EEFSEC: variants seen among roughly 807,000 people sequenced by gnomAD.
EEFSEC encodes eukaryotic elongation factor, selenocysteine-tRNA specific, also known as selenocysteine-specific elongation factor.
A neutral mutation model predicts 42.1 loss-of-function variants in EEFSEC; 43 were observed. The ratio of observed to expected loss-of-function variants is 1.02; its 90% CI spans 0.80 to 1.32. The LOEUF (loss-of-function observed/expected upper bound fraction) is 1.32, where lower values mean the gene tolerates loss of function less well. Among genes scored for constraint, EEFSEC ranks in the 40% most tolerant of loss-of-function variants. The pLI is 0.00. For synonymous variants in EEFSEC, 354 were observed against 339.1 expected (o/e 1.04, Z -0.48); for missense variants, 745 against 803.6 (o/e 0.93, Z 0.88).
At position 128,358,299 on chromosome 3, in the gene EEFSEC, A is replaced by T; in HGVS notation, c.1526A>T (p.His509Leu). 1 of 1,614,246 alleles carries T rather than the reference A, an allele frequency of 6.2e-7. No individual in the cohort carries two copies. Among genetic ancestry groups the T allele is most frequent in the Non-Finnish European group, 8.5e-7 (1 of 1,180,044 alleles). The change falls in exon 6 of 7, where the codon CAC becomes CTC. Residue 509 changes from histidine to leucine, a missense_variant. Physicochemically the swap from His to Leu is moderately conservative, Grantham distance 99. Transcript: ENST00000254730. The part of the protein sequence containing the change: ...NIQLFVGLKV[H>L]LSTGELGIID... ...CAGCTCTTCGTGGGGCTCAAGGTGC[A>T]CTTGTCCACTGGGGAACTGGGCATC...
chr3:128,350,834 T>A (rs879782240), intron 5 of EEFSEC, among the ~76,000 whole-genome samples: 2 of 152,162 alleles, frequency 1.3e-5, no homozygotes, highest in Non-Finnish European at 2.9e-5. Context: ...CCTGGGCTAC[T>A]TCAGGGCCTC....
chr3:128,346,595 C>G (rs1325754847), intron 5 of EEFSEC, among the ~76,000 whole-genome samples: 1 of 152,152 alleles, frequency 6.6e-6, no homozygotes, highest in African/African-American at 2.4e-5. Context: ...TTGAAGTCCA[C>G]TTTTCTTGTT....
chr3:128,305,553 T>C (rs1167541632), intron 4 of EEFSEC, among the ~76,000 whole-genome samples: 1 of 152,220 alleles, frequency 6.6e-6, no homozygotes, highest in Non-Finnish European at 1.5e-5. Context: ...TATTAGTCTT[T>C]TGTTTCAGTC....
chr3:128,310,961 G>A (rs1003385729), intron 4 of EEFSEC, among the ~76,000 whole-genome samples: 4 of 152,220 alleles, frequency 2.6e-5, no homozygotes, highest in Non-Finnish European at 5.9e-5. Context: ...AACATTCTGT[G>A]TGGGGAAAGG....
Position 128,191,576 on chromosome 3 carries a change from A to G in EEFSEC, c.316+37753A>G, listed in dbSNP as rs536158702. Among the ~76,000 whole-genome samples the G allele has an allele frequency of 2.6e-5, 4 of 152,194 alleles. No homozygotes were observed. The East Asian group carries it at 7.7e-4, about 29-fold the overall frequency. ...TCACCACTATTATTTCTAACTTTCC[A>G]TCACCCCAAACTGAAACTCTGTACC... On this transcript the variant is annotated intron_variant, in intron 1 of 6. Transcript: ENST00000254730.
chr3:128,322,452 G>A (rs974082908), intron 4 of EEFSEC, among the ~76,000 whole-genome samples: 11 of 152,250 alleles, frequency 7.2e-5, no homozygotes, highest in Non-Finnish European at 1.3e-4. Context: ...TCCAGGGAAA[G>A]TGTTGCTCCC....
intron 1 of EEFSEC, among the ~76,000 whole-genome samples, chr3:128,168,515 C>G (rs905200487): frequency 1.3e-5 from 2 of 152,230 alleles, no homozygotes; most frequent in South Asian, 4.1e-4. Flanking sequence ...TAGAGATTTG[C>G]TCTGCTGCTG....
In EEFSEC at chr3:128,313,647, A is replaced by G. The variant is rs560085987; in HGVS notation, c.787-27586A>G. On this transcript the variant is annotated intron_variant, in intron 4 of 6. Coordinates refer to ENST00000254730, the MANE Select transcript of EEFSEC (RefSeq NM_021937.5). ...GGCAAGTCAGGCTCTTGGCATCTCC[A>G]TTTTTAACAGGGCACTTGTAACCAG... Among the ~76,000 whole-genome samples the G allele has an allele frequency of 2.0e-5, 3 of 152,330 alleles. No individual in the cohort carries two copies. In the South Asian group the frequency reaches 6.2e-4, roughly 32 times the overall value.
intron 1 of EEFSEC, among the ~76,000 whole-genome samples, chr3:128,172,299 G>A (rs940619972): frequency 1.3e-5 from 2 of 152,186 alleles, no homozygotes; most frequent in African/African-American, 4.8e-5. Flanking sequence ...TGGTCAGGCC[G>A]AAGGAACCCA....
intron 1 of EEFSEC, among the ~76,000 whole-genome samples, chr3:128,190,072 A>G (rs528178514): frequency 1.3e-5 from 2 of 152,176 alleles, no homozygotes; most frequent in Non-Finnish European, 2.9e-5. Context: ...CATGTCCCCC[A>G]GGCTGGTCTC....
At chr3:128,295,983 G>A (rs2066701787) in intron 4 of EEFSEC, among the ~76,000 whole-genome samples, 1 of 152,118 alleles carries the variant, frequency 6.6e-6, no homozygotes, top group African/African-American at 2.4e-5. Flanking sequence ...TGACCTATAG[G>A]GCAGCTTTAA....
chr3:128,241,129 C>T (rs1256999012), intron 1 of EEFSEC, among the ~76,000 whole-genome samples: 2 of 151,600 alleles, frequency 1.3e-5, no homozygotes, highest in African/African-American at 4.8e-5. Flanking sequence ...AGTTCAAATC[C>T]CTCTGAATCC....
At chr3:128,171,867 A>G (rs551411898) in intron 1 of EEFSEC, among the ~76,000 whole-genome samples, 5 of 152,316 alleles carry the variant, frequency 3.3e-5, no homozygotes, top group African/African-American at 7.2e-5. Context: ...AAAAATAACA[A>G]TTCAACAACA....
chr3:128,264,928 C>T, intron 4 of EEFSEC, 147 bp downstream of exon 4: 1 of 919,444 alleles, frequency 1.1e-6, no homozygotes, highest in Middle Eastern at 3.2e-4. Flanking sequence ...CCTCTGGCTG[C>T]CTGGCCCCGC....
Position 128,341,425 on chromosome 3 carries a change from G to C in EEFSEC, c.979G>C (p.Gly327Arg). The part of the protein sequence containing the change: ...ISVEKIPYFR[G>R]PLQTKAKFHI... ...TGTGGAAAAGATACCGTATTTCCGG[G>C]GGCCCCTGCAAACCAAGGCCAAGTT... Residue 327 changes from glycine to arginine, a missense_variant, in exon 5 of 7, where the codon GGG becomes CGG. Physicochemically the swap from Gly to Arg is moderately radical, Grantham distance 125. Coordinates refer to ENST00000254730, the MANE Select transcript of EEFSEC (RefSeq NM_021937.5). 1 of 1,614,148 alleles carries C rather than the reference G, an allele frequency of 6.2e-7. No homozygotes were observed. The highest frequency in any genetic ancestry group is 8.5e-7 in the Non-Finnish European group (1 of 1,180,042).
intron 1 of EEFSEC, among the ~76,000 whole-genome samples, chr3:128,172,040 C>T (rs2065304707): frequency 1.3e-5 from 2 of 152,078 alleles, no homozygotes; most frequent in Admixed American, 6.5e-5. Flanking sequence ...CTTAAGCATC[C>T]TCAGATTTTG....
chr3:128,388,568 C>T (rs2067870248), intron 6 of EEFSEC, among the ~76,000 whole-genome samples: 2 of 152,254 alleles, frequency 1.3e-5, no homozygotes, highest in African/African-American at 4.8e-5. Flanking sequence ...CCACTGCTCT[C>T]CAGTGAGGGA....
chr3:128,341,775 G>A lies in EEFSEC; in HGVS notation c.1329G>A (p.Arg443=), dbSNP rs1321575683. 6.2e-7 allele frequency: 1 copy of A among 1,614,118 alleles called. No homozygotes were observed. Among genetic ancestry groups the A allele is most frequent in the Non-Finnish European group, 8.5e-7 (1 of 1,180,054 alleles). ...CGGACATTCACACCAACACGTGCCG[G>A]CTAGCCTTCCATGGCATCCTGCTCC... The part of the protein sequence containing the change: ...LDADIHTNTC[R]LAFHGILLHG... Residue 443 remains arginine, a synonymous_variant, in exon 5 of 7, where the codon CGG becomes CGA. Transcript: ENST00000254730.
At chr3:128,303,701 A>G (rs2066795106) in intron 4 of EEFSEC, among the ~76,000 whole-genome samples, 2 of 152,150 alleles carry the variant, frequency 1.3e-5, no homozygotes, top group South Asian at 4.1e-4. Context: ...GAAGTTTTAC[A>G]TACTTACAGA....
Sources: gnomAD v4.1 joint callset for allele counts (sites outside exome capture counted in the v4.1 genomes callset) on GRCh38, gnomAD v4.1.1 for gene constraint, MANE v1.5 for transcripts, NCBI Gene and HGNC (gene_info 2026-07-23, HGNC 2026-07-21) for gene names.